Variants in NTM observed in about 807,000 individuals in gnomAD.
The protein encoded by NTM is IgLON family member 2.
In NTM, 13 loss-of-function variants were observed where a neutral mutation model predicts 42.1. The observed-to-expected ratio is 0.31, with a 90% CI of 0.20 to 0.49. The LOEUF is 0.49. NTM is among the 20% of genes least tolerant of loss of function. NTM has a pLI of 0.99. For missense variants in NTM, 373 were observed against 452.8 expected, an observed-to-expected ratio of 0.82 and a Z score of 1.60; for synonymous variants, 187 against 179.2, an observed-to-expected ratio of 1.04 and a Z score of -0.35.
chr11:131,773,610 A>G (rs908546050), intron 1 of NTM, among the ~76,000 whole-genome samples: 2 of 152,214 alleles, frequency 1.3e-5, no homozygotes, highest in Admixed American at 6.5e-5. Context: ...TCAGAAATAA[A>G]TTATGAATGC....
intron 1 of NTM, among the ~76,000 whole-genome samples, chr11:131,668,773 TAGTC>T (rs2069569899): frequency 6.6e-6 from 1 of 152,222 alleles, no homozygotes; most frequent in Admixed American, 6.5e-5. Flanking sequence ...AGAACCTCGT[TAGTC>T]AGAATAATCT....
intron 1 of NTM, among the ~76,000 whole-genome samples, chr11:131,594,808 A>C (rs1484593694): frequency 6.6e-6 from 1 of 152,202 alleles, no homozygotes; most frequent in Non-Finnish European, 1.5e-5. Context: ...ACCTGCATTG[A>C]GACCTAGAGA....
intron 2 of NTM, among the ~76,000 whole-genome samples, chr11:132,104,202 TTATGTCA>T (rs965911690): frequency 6.6e-6 from 1 of 152,142 alleles, no homozygotes; most frequent in Non-Finnish European, 1.5e-5. Flanking sequence ...TGGGGCATCT[TTATGTCA>T]AAGTGGATCT....
chr11:131,575,898 G>A (rs145577002), intron 1 of NTM, among the ~76,000 whole-genome samples: 48 of 152,302 alleles, frequency 3.2e-4, no homozygotes, highest in African/African-American at 1.2e-3. Flanking sequence ...ATTATCTCAA[G>A]TGGCAAATAT....
chr11:131,843,207 C>T (rs2044492747), intron 1 of NTM, among the ~76,000 whole-genome samples: 1 of 152,104 alleles, frequency 6.6e-6, no homozygotes, highest in Admixed American at 6.5e-5. Context: ...ACTGAATCCA[C>T]TTGTTTATTC....
intron 1 of NTM, among the ~76,000 whole-genome samples, chr11:131,719,039 A>G (rs957303308): frequency 6.6e-6 from 1 of 152,074 alleles, no homozygotes; most frequent in Non-Finnish European, 1.5e-5. Flanking sequence ...CCTCCTGAGT[A>G]GCTGGAACTA....
intron 7 of NTM, among the ~76,000 whole-genome samples, chr11:132,319,202 G>C (rs1038227074): frequency 6.6e-6 from 1 of 152,182 alleles, no homozygotes; most frequent in African/African-American, 2.4e-5. Flanking sequence ...CGACGCAAAA[G>C]ACAGGTGATT....
In NTM at chr11:131,671,471, G is replaced by A. The variant is rs1029806779; in HGVS notation, c.83-240093G>A. ...TGTCAGCTCTGGGCTTGCAGAGAAT[G>A]TGGTTGAATCAGTGTTAGCCCTGGG... On this transcript the variant is annotated intron_variant, in intron 1 of 8. Transcript: ENST00000683400. 12 of 985,328 alleles carry A rather than the reference G, an allele frequency of 1.2e-5. No individual in the cohort carries two copies. The African/African-American group carries it at 2.1e-4, about 17-fold the overall frequency. 61.0% of individuals were successfully genotyped at this position (985,328 alleles called of 1,614,324 possible).
chr11:132,076,229 A>T (rs536804951), intron 2 of NTM, among the ~76,000 whole-genome samples: 37 of 152,306 alleles, frequency 2.4e-4, no homozygotes, highest in African/African-American at 8.7e-4. Flanking sequence ...AGGGACAATT[A>T]GTAAATATTG....
intron 2 of NTM, among the ~76,000 whole-genome samples, chr11:131,962,605 T>C (rs1364922937): frequency 6.6e-6 from 1 of 152,208 alleles, no homozygotes; most frequent in Non-Finnish European, 1.5e-5. Context: ...TCAAAAACCC[T>C]GAGGAACAAA....
chr11:132,122,462 C>T (rs1480782716), intron 2 of NTM, among the ~76,000 whole-genome samples: 1 of 152,196 alleles, frequency 6.6e-6, no homozygotes, highest in Non-Finnish European at 1.5e-5. Flanking sequence ...ATACTTGTAA[C>T]CTAAACTGGG....
chr11:131,687,981 T>C (rs370479667), intron 1 of NTM, among the ~76,000 whole-genome samples: 3 of 152,364 alleles, frequency 2.0e-5, no homozygotes, highest in South Asian at 4.1e-4. Context: ...GAGTCGTTGA[T>C]GGAATAGCCC....
chr11:131,703,441 C>T (rs1174315770), intron 1 of NTM, among the ~76,000 whole-genome samples: 1 of 151,970 alleles, frequency 6.6e-6, no homozygotes, highest in Non-Finnish European at 1.5e-5. Flanking sequence ...CTGTGTACGC[C>T]CAAAGCAATG....
At chr11:132,151,411 A>C (rs990527910) in intron 3 of NTM, among the ~76,000 whole-genome samples, 1 of 152,206 alleles carries the variant, frequency 6.6e-6, no homozygotes, top group South Asian at 2.1e-4. Context: ...CAAGTATGGA[A>C]AACTGACTTC....
At chr11:131,951,562 G>A (rs2060985393) in intron 2 of NTM, among the ~76,000 whole-genome samples, 1 of 152,092 alleles carries the variant, frequency 6.6e-6, no homozygotes, top group Non-Finnish European at 1.5e-5. Flanking sequence ...AAATCCTGAT[G>A]ATGAAAGTCC....
chr11:131,723,560 C>T (rs969913050), intron 1 of NTM, among the ~76,000 whole-genome samples: 6 of 152,094 alleles, frequency 3.9e-5, no homozygotes, highest in South Asian at 2.1e-4. Flanking sequence ...TCCTTCCATC[C>T]ATCTTTCTTT....
At chr11:131,677,794 A>G (rs1385479833) in intron 1 of NTM, among the ~76,000 whole-genome samples, 1 of 152,212 alleles carries the variant, frequency 6.6e-6, no homozygotes, top group Non-Finnish European at 1.5e-5. Flanking sequence ...TGAACAGCAC[A>G]TTACCAGCGC....
chr11:131,979,645 A>T (rs1176268528), intron 2 of NTM, among the ~76,000 whole-genome samples: 1 of 152,174 alleles, frequency 6.6e-6, no homozygotes, highest in Non-Finnish European at 1.5e-5. Context: ...TTATTGTTTG[A>T]AGCTGTTTGA....
At chr11:131,618,733 T>C (rs1226790546) in intron 1 of NTM, among the ~76,000 whole-genome samples, 1 of 152,316 alleles carries the variant, frequency 6.6e-6, no homozygotes, top group Non-Finnish European at 1.5e-5. Context: ...TAAGTAAGTA[T>C]TGAAAAGCCA....
Sources: allele counts gnomAD v4.1 joint callset (sites outside exome capture counted in the v4.1 genomes callset), GRCh38; gene constraint gnomAD v4.1.1; transcripts MANE v1.5; gene names NCBI Gene and HGNC (gene_info 2026-07-23, HGNC 2026-07-21).